The following P2RY14 variants were observed in gnomAD, a reference collection of about 807,000 sequenced individuals.
P2RY14 encodes the protein purinergic receptor P2Y14, also known as P2Y purinoceptor 14.
In P2RY14, 2 loss-of-function variants were observed where a neutral mutation model predicts 0.9. That is an observed-to-expected ratio of 2.16 (90% CI 0.88 to 6.79). The LOEUF (loss-of-function observed/expected upper bound fraction) is 6.79, where lower values mean the gene tolerates loss of function less well. Ranked by LOEUF, P2RY14 falls within the 30% of genes most tolerant of loss-of-function variation. The pLI is 0.05. For missense variants in P2RY14, 378 were observed against 400.1 expected (o/e 0.94, Z 0.47); for synonymous variants, 158 against 147.2 (o/e 1.07, Z -0.53).
rs191154972 is a variant in P2RY14 at position 151,261,278 on chromosome 3, A to G, written c.-133+17009T>C. 1.1e-4 allele frequency: 16 copies of G among 152,300 alleles called. No individual in the cohort carries two copies. The East Asian group carries it at 3.1e-3, about 29-fold the overall frequency. The allele number at this position is 152,300 out of a possible 1,614,324, so 9.4% of individuals were successfully genotyped here. On this transcript the variant is annotated intron_variant, in intron 1 of 2. Transcript: ENST00000309170. ...CCCCAAAAGGCAGAGGTGGAGATAC[A>G]TTCACAGCCACAGTTTTATCCTAAT...
intron 1 of P2RY14, among the ~76,000 whole-genome samples, chr3:151,243,454 C>A (rs1734672339): frequency 6.6e-6 from 1 of 152,002 alleles, no homozygotes; most frequent in African/African-American, 2.4e-5. Context: ...AGAGTGGGGG[C>A]CAATATTCAA....
intron 1 of P2RY14, among the ~76,000 whole-genome samples, chr3:151,240,757 C>A (rs1733913143): frequency 6.6e-6 from 1 of 152,230 alleles, no homozygotes; most frequent in Non-Finnish European, 1.5e-5. Context: ...TGCACTCTTG[C>A]ATCTAACTTG....
chr3:151,216,793 G>T (rs775010155), intron 2 of P2RY14, among the ~76,000 whole-genome samples: 1 of 152,136 alleles, frequency 6.6e-6, no homozygotes, highest in Non-Finnish European at 1.5e-5. Flanking sequence ...AAGGGAGGGG[G>T]AGCACATTTT....
In P2RY14 at chr3:151,267,657, G is replaced by A. The variant is rs143067388; in HGVS notation, c.-133+10630C>T. 2.4e-4 allele frequency among the ~76,000 whole-genome samples: 36 copies of A among 152,268 alleles called. No homozygotes were observed. The East Asian group carries it at 6.9e-3, about 29-fold the overall frequency. ...AGGCTATAGAAAATGTCTCTTGAGA[G>A]TAATATCTTGTAACATGTATTACTT... is the stretch of plus-strand genomic sequence containing the variant. On this transcript the variant is annotated intron_variant, in intron 1 of 2. Transcript: ENST00000309170.
chr3:151,275,302 A>G (rs1395774621), intron 1 of P2RY14, among the ~76,000 whole-genome samples: 1 of 151,998 alleles, frequency 6.6e-6, no homozygotes, highest in African/African-American at 2.4e-5. Context: ...TTTCTTTGGT[A>G]TCTTAACCTC....
intron 1 of P2RY14, among the ~76,000 whole-genome samples, chr3:151,247,618 C>T (rs57035412): frequency 3.5e-4 from 38 of 108,318 alleles, no homozygotes; most frequent in South Asian, 6.6e-4. Flanking sequence ...GTTGTGGGGT[C>T]GGGGAGGGGG....
At chr3:151,251,539 G>A (rs929394330) in intron 1 of P2RY14, among the ~76,000 whole-genome samples, 4 of 152,138 alleles carry the variant, frequency 2.6e-5, no homozygotes, top group African/African-American at 7.2e-5. Context: ...AAGCAGCACT[G>A]TGTCCCTTTT....
intron 1 of P2RY14, among the ~76,000 whole-genome samples, chr3:151,270,561 G>C (rs1740756115): frequency 6.6e-6 from 1 of 152,086 alleles, no homozygotes; most frequent in Non-Finnish European, 1.5e-5. Flanking sequence ...AGAACACTGT[G>C]TCTCTGCGTG....
At chr3:151,247,547 G>C (rs1229702807) in intron 1 of P2RY14, among the ~76,000 whole-genome samples, 1 of 148,062 alleles carries the variant, frequency 6.8e-6, no homozygotes, top group African/African-American at 2.5e-5. Context: ...TCACTCATAG[G>C]TGGGAATTGA....
chr3:151,224,856 TA>T, intron 1 of P2RY14, among the ~76,000 whole-genome samples: 1 of 152,214 alleles, frequency 6.6e-6, no homozygotes, highest in East Asian at 1.9e-4. Context: ...TTATATAGTG[TA>T]ACCTTTGCCT....
In P2RY14 at chr3:151,264,128, T is replaced by C. The variant is rs912820352; in HGVS notation, c.-133+14159A>G. Reference sequence around the variant, plus strand: ...TAACCATTTTTCTGTTACTGGACATTTGGGTTATTTCATTGTTCAGTGTTT... The same window carrying C: ...TAACCATTTTTCTGTTACTGGACATCTGGGTTATTTCATTGTTCAGTGTTT... On this transcript the variant is annotated intron_variant, in intron 1 of 2. Transcript: ENST00000309170. Among the ~76,000 whole-genome samples the C allele has an allele frequency of 7.2e-5, 11 of 152,348 alleles. No homozygotes were observed. In the East Asian group the frequency reaches 1.9e-3, roughly 27 times the overall value.
At chr3:151,247,630 A>T (rs957714070) in intron 1 of P2RY14, among the ~76,000 whole-genome samples, 3 of 118,594 alleles carry the variant, frequency 2.5e-5, no homozygotes, top group African/African-American at 9.2e-5. Flanking sequence ...GGGAGGGGGG[A>T]GGGATAGCAT....
intron 1 of P2RY14, among the ~76,000 whole-genome samples, chr3:151,230,619 G>C (rs1439279415): frequency 2.3e-5 from 3 of 129,770 alleles, no homozygotes; most frequent in Admixed American, 8.1e-5. Flanking sequence ...ATGTTTCTTT[G>C]AACTCTATGT....
chr3:151,277,998 A>C (rs2149596680), intron 1 of P2RY14, among the ~76,000 whole-genome samples: 1 of 152,350 alleles, frequency 6.6e-6, no homozygotes, highest in East Asian at 1.9e-4. Context: ...AATACCTTTT[A>C]AACATTTTCC....
intron 1 of P2RY14, among the ~76,000 whole-genome samples, chr3:151,222,046 A>G (rs765453381): frequency 6.6e-6 from 1 of 152,244 alleles, no homozygotes; most frequent in Non-Finnish European, 1.5e-5. Flanking sequence ...CATGGAGTCA[A>G]AGGAGATCGT....
chr3:151,216,281 A>G (rs993650806), intron 2 of P2RY14, among the ~76,000 whole-genome samples: 4 of 152,212 alleles, frequency 2.6e-5, no homozygotes, highest in Non-Finnish European at 5.9e-5. Flanking sequence ...AGGGAAAGAA[A>G]GATTGTGGGA....
intron 1 of P2RY14, among the ~76,000 whole-genome samples, chr3:151,238,345 C>T (rs1168874628): frequency 6.6e-6 from 1 of 152,134 alleles, no homozygotes; most frequent in African/African-American, 2.4e-5. Context: ...CGGGGTTTCA[C>T]CTTGTTGGTC....
chr3:151,229,435 T>G (rs1010298730), intron 1 of P2RY14, among the ~76,000 whole-genome samples: 2 of 150,672 alleles, frequency 1.3e-5, no homozygotes, highest in Admixed American at 6.6e-5. Flanking sequence ...GCCTCCCGAG[T>G]AGCTGGGACT....
intron 1 of P2RY14, among the ~76,000 whole-genome samples, chr3:151,239,018 A>G (rs142061045): frequency 6.6e-6 from 1 of 152,226 alleles, no homozygotes; most frequent in Non-Finnish European, 1.5e-5. Flanking sequence ...CAAGCTTTCA[A>G]ACTGAAAGCA....
Sources: gnomAD v4.1 joint callset for allele counts (sites outside exome capture counted in the v4.1 genomes callset) on GRCh38, gnomAD v4.1.1 for gene constraint, MANE v1.5 for transcripts, NCBI Gene and HGNC (gene_info 2026-07-23, HGNC 2026-07-21) for gene names.